The following SPATS2L variants were observed in gnomAD, a reference collection of about 807,000 sequenced individuals.
The protein encoded by SPATS2L is SPATS2-like protein.
A neutral mutation model predicts 59.6 loss-of-function variants in SPATS2L; 30 were observed. The ratio of observed to expected loss-of-function variants is 0.50; its 90% confidence interval spans 0.38 to 0.68. The LOEUF (loss-of-function observed/expected upper bound fraction) is 0.68. Among genes scored for constraint, SPATS2L ranks in the 30% least tolerant of loss-of-function variants. SPATS2L has a pLI of 0.00. For synonymous variants in SPATS2L, 252 were observed against 263.5 expected, an observed-to-expected ratio of 0.96 and a Z score of 0.42; for missense variants, 615 against 700.0, an observed-to-expected ratio of 0.88 and a Z score of 1.37.
chr2:200,472,149 A>T (rs2087095773), intron 11 of SPATS2L, among the ~76,000 whole-genome samples: 1 of 152,214 alleles, frequency 6.6e-6, no homozygotes, highest in Non-Finnish European at 1.5e-5. Context: ...CCTTGCCTGT[A>T]ACCTTGGAAG....
rs755351538 is a variant in SPATS2L, at chr2:200,326,901, ATTTTTT to A, written c.-72-2510_-72-2505del. Among the ~76,000 whole-genome samples, 3 of 99,082 alleles carry A rather than the reference ATTTTTT, an allele frequency of 3.0e-5. No homozygotes were observed. In the South Asian group the frequency reaches 1.4e-3, roughly 45 times the overall value. 65.0% of individuals were successfully genotyped at this position (99,082 alleles called of 152,430 possible). A position where few individuals can be genotyped will look rare whatever the true frequency, so the allele number is the denominator to read the frequency against. ...AGGCGTGTGCCACCATGCCCGGCTAATTTTTTTTTTTTTTTTTTTTTTTTTAGCAGA... is the reference window on the plus strand; with the variant it reads ...AGGCGTGTGCCACCATGCCCGGCTAATTTTTTTTTTTTTTTTTTTAGCAGA... On this transcript the variant is annotated intron_variant, in intron 1 of 12. Transcript: ENST00000409140.
At chr2:200,353,947 T>C (rs757456072) in intron 2 of SPATS2L, among the ~76,000 whole-genome samples, 40 of 152,226 alleles carry the variant, frequency 2.6e-4, no homozygotes, top group Non-Finnish European at 5.9e-5. Flanking sequence ...GTGGTGTCCA[T>C]TGGAAATATA....
chr2:200,352,478 C>T (rs1171608859), intron 2 of SPATS2L, among the ~76,000 whole-genome samples: 1 of 151,578 alleles, frequency 6.6e-6, no homozygotes, highest in African/African-American at 2.4e-5. Flanking sequence ...GTTACGCAGA[C>T]ACAGCTTAGG....
In SPATS2L at chr2:200,382,144, C is replaced by G. The variant is rs184499353; in HGVS notation, c.-22-7079C>G. Reference sequence around the variant, plus strand: ...GATCTTAGCTCACTGCAACTTCCGCCCCACCTACCGGGTTCAAGCAATTCT... The same window carrying G: ...GATCTTAGCTCACTGCAACTTCCGCGCCACCTACCGGGTTCAAGCAATTCT... On this transcript the variant is annotated intron_variant, in intron 2 of 12. Transcript: ENST00000409140. Among the ~76,000 whole-genome samples the G allele has an allele frequency of 2.6e-3, 389 of 152,206 alleles. 2 individuals are homozygous for G. The highest frequency in any genetic ancestry group is 9.0e-3 in the African/African-American group (375 of 41,524).
At chr2:200,463,243 C>A (rs1345970291) in intron 9 of SPATS2L, 1 of 152,164 alleles carries the variant, frequency 6.6e-6, no homozygotes, top group East Asian at 1.9e-4. Context: ...TAATTTGGTT[C>A]TCTGTGGTCT....
At position 200,318,475 on chromosome 2, in the gene SPATS2L, G is replaced by A. The variant is rs1302983504; in HGVS notation, c.-72-10956G>A. 2.0e-5 allele frequency among the ~76,000 whole-genome samples: 3 copies of A among 152,288 alleles called. No individual in the cohort carries two copies. In the South Asian group the frequency reaches 6.2e-4, roughly 32 times the overall value. ...ATAATGGCATTAAAAATGTTATTTA[G>A]TGCTGGTTTGTAGCACTGAATATAT... is the stretch of plus-strand genomic sequence containing the variant. On this transcript the variant is annotated intron_variant, in intron 1 of 12. Coordinates refer to ENST00000409140, the MANE Select transcript of SPATS2L (RefSeq NM_001100423.2).
rs116270326 is a variant in SPATS2L at position 200,365,558 on chromosome 2, T to A, written c.-22-23665T>A. Among the ~76,000 whole-genome samples the A allele has an allele frequency of 4.4e-3, 677 of 152,318 alleles. 7 individuals carry two copies. Among genetic ancestry groups the A allele is most frequent in the African/African-American group, 0.016 (645 of 41,568 alleles). On this transcript the variant is annotated intron_variant, in intron 2 of 12. Coordinates refer to ENST00000409140, the MANE Select transcript of SPATS2L (RefSeq NM_001100423.2). ...CCGTGATATACTCAGGCTAACAAAG[T>A]TTTAATATGGATAATGGATTAGCCA...
chr2:200,341,010 A>G (rs2080307034), intron 2 of SPATS2L, among the ~76,000 whole-genome samples: 1 of 152,174 alleles, frequency 6.6e-6, no homozygotes, highest in African/African-American at 2.4e-5. Context: ...GCCCTAAAAT[A>G]CTTAGTTCTG....
chr2:200,412,909 T>A (rs184977063), intron 4 of SPATS2L, among the ~76,000 whole-genome samples: 1 of 151,858 alleles, frequency 6.6e-6, no homozygotes, highest in African/African-American at 2.4e-5. Flanking sequence ...ATATATAAAT[T>A]AGCCAGGCAT....
At chr2:200,428,488 G>A (rs1381026443) in intron 6 of SPATS2L, among the ~76,000 whole-genome samples, 2 of 151,980 alleles carry the variant, frequency 1.3e-5, no homozygotes, top group South Asian at 2.1e-4. Flanking sequence ...AGCTCCCTAG[G>A]GCTTGTTTGA....
intron 2 of SPATS2L, among the ~76,000 whole-genome samples, chr2:200,360,027 T>C (rs2081044560): frequency 6.6e-6 from 1 of 152,218 alleles, no homozygotes; most frequent in Admixed American, 6.5e-5. Flanking sequence ...CAAATTTCTA[T>C]TTTAGAATAT....
At chr2:200,326,799 C>T (rs66515236) in intron 1 of SPATS2L, among the ~76,000 whole-genome samples, 8,400 of 151,834 alleles carry the variant, frequency 0.055, 486 homozygotes, top group Admixed American at 0.19. Context: ...ACAATCTCGG[C>T]TTACTGCAAC....
intron 3 of SPATS2L, among the ~76,000 whole-genome samples, chr2:200,410,085 A>G (rs2082823436): frequency 6.6e-6 from 1 of 151,832 alleles, no homozygotes; most frequent in South Asian, 2.1e-4. Flanking sequence ...GTCTAATATA[A>G]CTATAATGTA....
intron 4 of SPATS2L, among the ~76,000 whole-genome samples, chr2:200,414,918 A>G (rs3769449): frequency 0.51 from 78,010 of 152,006 alleles, 20,703 homozygotes; most frequent in Non-Finnish European, 0.59. Flanking sequence ...TGTGAAAGCA[A>G]TAAGCAACTC....
rs767544545 is a variant in SPATS2L at position 200,439,324 on chromosome 2, A to G, written c.648A>G (p.Lys216=). Reference sequence around the variant, plus strand: ...TAAAGCCAGATGAGTTGGCAAAGAAAAGAGGTAAAGTGATTTCTTTTGCAC... The same window carrying G: ...TAAAGCCAGATGAGTTGGCAAAGAAGAGAGGTAAAGTGATTTCTTTTGCAC... ...LEIKPDELAK[K]RGPNIEKSVK... Residue 216 remains lysine (K), a synonymous_variant, in exon 7 of 13, where the codon AAA becomes AAG. Transcript: ENST00000409140. 6.2e-7 allele frequency: 1 copy of G among 1,611,642 alleles called. No homozygotes were observed. The highest frequency in any genetic ancestry group is 1.1e-5 in the South Asian group (1 of 91,004).
intron 2 of SPATS2L, among the ~76,000 whole-genome samples, chr2:200,381,619 C>T (rs1209632522): frequency 6.6e-6 from 1 of 152,186 alleles, no homozygotes; most frequent in Non-Finnish European, 1.5e-5. Flanking sequence ...TATTGCATGC[C>T]TTCAACTAAG....
chr2:200,314,234 C>A (rs540666377), intron 1 of SPATS2L, among the ~76,000 whole-genome samples: 1 of 152,330 alleles, frequency 6.6e-6, no homozygotes, highest in Admixed American at 6.5e-5. Context: ...ATGAATGAAA[C>A]CTGCTTCACC....
intron 2 of SPATS2L, among the ~76,000 whole-genome samples, chr2:200,345,027 T>G (rs1369529477): frequency 6.6e-6 from 1 of 152,248 alleles, no homozygotes; most frequent in African/African-American, 2.4e-5. Flanking sequence ...GTCTGTTTGC[T>G]CTGTTGATTG....
At chr2:200,465,551 C>T (rs964782189) in intron 9 of SPATS2L, among the ~76,000 whole-genome samples, 8 of 152,160 alleles carry the variant, frequency 5.3e-5, no homozygotes, top group Non-Finnish European at 7.4e-5. Flanking sequence ...TTCACTAGCT[C>T]CTCTGTATTC....
Sources: gnomAD v4.1 joint callset for allele counts (sites outside exome capture counted in the v4.1 genomes callset) on GRCh38, gnomAD v4.1.1 for gene constraint, MANE v1.5 for transcripts, NCBI Gene and HGNC (gene_info 2026-07-23, HGNC 2026-07-21) for gene names.